The following CNOT10 variants were observed in gnomAD, a reference collection of about 807,000 sequenced individuals.
CNOT10 encodes the protein CCR4-NOT transcription complex subunit 10, also known as CCR4-NOT transcription complex, subunit 10.
A neutral mutation model predicts 94.6 loss-of-function variants in CNOT10; 30 were observed. That is an observed-to-expected ratio of 0.32 (90% CI 0.24 to 0.43). The LOEUF (loss-of-function observed/expected upper bound fraction) is 0.43. Ranked by LOEUF, CNOT10 falls within the 20% of genes least tolerant of loss-of-function variation. The pLI is 1.00. For synonymous variants in CNOT10, 289 were observed against 301.6 expected, an observed-to-expected ratio of 0.96 and a Z score of 0.43; for missense variants, 759 against 877.2, an observed-to-expected ratio of 0.87 and a Z score of 1.70.
intron 3 of CNOT10, among the ~76,000 whole-genome samples, chr3:32,707,372 A>G (rs776585536): frequency 1.3e-5 from 2 of 151,450 alleles, no homozygotes; most frequent in Non-Finnish European, 2.9e-5. Flanking sequence ...ATATATTTTT[A>G]TTATTGAGTA....
chr3:32,730,787 C>G (rs1240145124), intron 10 of CNOT10: 1 of 152,174 alleles, frequency 6.6e-6, no homozygotes, highest in African/African-American at 2.4e-5. Context: ...CATATTATTT[C>G]AGACTTGGCA....
At chr3:32,738,295 C>G (rs1699283614) in intron 13 of CNOT10, among the ~76,000 whole-genome samples, 1 of 152,048 alleles carries the variant, frequency 6.6e-6, no homozygotes, top group Non-Finnish European at 1.5e-5. Flanking sequence ...TACCATATAA[C>G]AAACCTGCAC....
At chr3:32,762,259 C>T (rs112817411) in intron 14 of CNOT10, among the ~76,000 whole-genome samples, 5,309 of 149,078 alleles carry the variant, frequency 0.036, 133 homozygotes, top group Middle Eastern at 0.079. Context: ...ATCAGGAGAT[C>T]GATCTTAATT....
At chr3:32,696,490 C>T (rs1191959353) in intron 1 of CNOT10, among the ~76,000 whole-genome samples, 2 of 152,018 alleles carry the variant, frequency 1.3e-5, no homozygotes, top group East Asian at 3.9e-4. Context: ...AATAATGGTT[C>T]GTTAACATGT....
At chr3:32,690,790 G>A (rs1018485079) in intron 1 of CNOT10, among the ~76,000 whole-genome samples, 21 of 151,574 alleles carry the variant, frequency 1.4e-4, no homozygotes, top group Non-Finnish European at 2.5e-4. Flanking sequence ...CTCATGATCC[G>A]CCCGCCTCGG....
intron 1 of CNOT10, among the ~76,000 whole-genome samples, chr3:32,693,308 C>T (rs2125493568): frequency 6.6e-6 from 1 of 152,014 alleles, no homozygotes; most frequent in South Asian, 2.1e-4. Context: ...CCTCGACCTC[C>T]CGGATTCAAG....
intron 13 of CNOT10, chr3:32,753,382 T>C: frequency 1.4e-6 from 2 of 1,381,124 alleles, no homozygotes; most frequent in Non-Finnish European, 1.0e-6. Flanking sequence ...CGATCAAGAA[T>C]GTTCAAAGAA....
At chr3:32,748,811 C>CTGTTTT (rs771046731) in intron 13 of CNOT10, among the ~76,000 whole-genome samples, 4 of 151,202 alleles carry the variant, frequency 2.6e-5, no homozygotes, top group Non-Finnish European at 5.9e-5. Flanking sequence ...CATGCCCGGC[C>CTGTTTT]TGTTTTTGTT....
At chr3:32,698,591 C>T (rs1318527156) in intron 1 of CNOT10, among the ~76,000 whole-genome samples, 1 of 152,106 alleles carries the variant, frequency 6.6e-6, no homozygotes, top group Non-Finnish European at 1.5e-5. Flanking sequence ...GGGAAGGGAG[C>T]TATATTTATT....
rs549036027 is a variant in CNOT10, at chr3:32,685,560, G to T, written c.22+78G>T. On this transcript the variant is annotated intron_variant, in intron 1 of 18. Coordinates refer to ENST00000328834, the MANE Select transcript of CNOT10 (RefSeq NM_015442.3). ...GGACCCTGAACTCGGAGGCGGCGGG[G>T]CCCGGGGTGGGGACTCCAGGGCGAC... 3.4e-4 allele frequency: 505 copies of T among 1,501,626 alleles called. 1 individual carries two copies. Among genetic ancestry groups the T allele is most frequent in the Non-Finnish European group, 4.0e-4 (440 of 1,105,432 alleles). The allele number at this position is 1,501,626 out of a possible 1,614,324, so 93.0% of individuals were successfully genotyped here.
chr3:32,697,907 TAATA>T (rs1477700119), intron 1 of CNOT10, among the ~76,000 whole-genome samples: 2 of 152,234 alleles, frequency 1.3e-5, no homozygotes, highest in Non-Finnish European at 2.9e-5. Context: ...AAATCTTTAA[TAATA>T]AAAGAAACAT....
chr3:32,752,276 C>T (rs1033609315), intron 13 of CNOT10, among the ~76,000 whole-genome samples: 5 of 150,672 alleles, frequency 3.3e-5, no homozygotes, highest in South Asian at 2.1e-4. Context: ...GCAACAAGAG[C>T]GAAACTCCGT....
intron 13 of CNOT10, chr3:32,753,916 T>TCACA: frequency 9.1e-7 from 1 of 1,096,282 alleles, no homozygotes; most frequent in Non-Finnish European, 1.4e-6. Context: ...ATTAATTTGC[T>TCACA]CTCACACACA....
chr3:32,761,823 A>G (rs1444039385), intron 14 of CNOT10, among the ~76,000 whole-genome samples: 1 of 144,760 alleles, frequency 6.9e-6, no homozygotes, highest in African/African-American at 2.6e-5. Flanking sequence ...CCCAGGCTGG[A>G]GTGCAATGGC....
intron 1 of CNOT10, among the ~76,000 whole-genome samples, chr3:32,700,021 G>T (rs1697262692): frequency 6.7e-6 from 1 of 149,742 alleles, no homozygotes; most frequent in South Asian, 2.1e-4. Flanking sequence ...TGTCACCCAG[G>T]CTGGAGTGCA....
At chr3:32,731,555 G>T (rs1407919915) in intron 10 of CNOT10, among the ~76,000 whole-genome samples, 1 of 152,068 alleles carries the variant, frequency 6.6e-6, no homozygotes, top group African/African-American at 2.4e-5. Flanking sequence ...GCTCACTGCA[G>T]TCTCGACCTC....
chr3:32,709,526 G>T (rs142241640), intron 4 of CNOT10, among the ~76,000 whole-genome samples: 1 of 152,278 alleles, frequency 6.6e-6, no homozygotes, highest in Non-Finnish European at 1.5e-5. Context: ...ACAAGTGGTG[G>T]GGTATGATAG....
intron 18 of CNOT10, among the ~76,000 whole-genome samples, chr3:32,772,861 T>C (rs1644228889): frequency 2.0e-5 from 3 of 152,080 alleles, no homozygotes; most frequent in South Asian, 4.2e-4. Flanking sequence ...CCCTAGATTG[T>C]TTCATTGTTT....
At chr3:32,765,009 T>G in intron 17 of CNOT10, 200 bp downstream of exon 17, 1 of 1,500,392 alleles carries the variant, frequency 6.7e-7, no homozygotes, top group Non-Finnish European at 8.9e-7. Flanking sequence ...AGGAAAGTTC[T>G]TCTTGATGAT....
Sources: gnomAD v4.1 joint callset for allele counts (sites outside exome capture counted in the v4.1 genomes callset) on GRCh38, gnomAD v4.1.1 for gene constraint, MANE v1.5 for transcripts, NCBI Gene and HGNC (gene_info 2026-07-23, HGNC 2026-07-21) for gene names.